AP3D1: variants seen among roughly 807,000 people sequenced by gnomAD.
AP3D1 encodes AP-3 complex subunit delta-1.
In AP3D1, 51 loss-of-function variants were observed where a neutral mutation model predicts 147.6. The ratio of observed to expected loss-of-function variants is 0.35; its 90% confidence interval spans 0.28 to 0.44. The LOEUF is 0.44. AP3D1 is among the 20% of genes least tolerant of loss of function. The pLI is 1.00. For synonymous variants in AP3D1, 760 were observed against 663.0 expected (o/e 1.15, Z -2.25); for missense variants, 1,421 against 1,624.2 (o/e 0.87, Z 2.15).
chr19:2,123,726 G>T, intron 10 of AP3D1, 104 bp downstream of exon 10: 1 of 1,383,750 alleles, frequency 7.2e-7, no homozygotes, highest in Non-Finnish European at 9.9e-7. Flanking sequence ...AGATGGCGTG[G>T]GGGGACCAGC....
intron 1 of AP3D1, among the ~76,000 whole-genome samples, chr19:2,143,806 G>A (rs899347189): frequency 5.3e-5 from 8 of 151,848 alleles, no homozygotes; most frequent in South Asian, 2.1e-4. Context: ...GTGCTGCCTC[G>A]GCCAGGTGCG....
chr19:2,131,273 G>A (rs371150262), intron 5 of AP3D1, among the ~76,000 whole-genome samples: 7 of 152,216 alleles, frequency 4.6e-5, no homozygotes, highest in African/African-American at 1.7e-4. Flanking sequence ...ACCTCCAGGT[G>A]GACAGGCAGC....
chr19:2,156,350 A>G (rs565558105), upstream of AP3D1, among the ~76,000 whole-genome samples: 1 of 152,176 alleles, frequency 6.6e-6, no homozygotes, highest in South Asian at 2.1e-4. Context: ...CCACCCAGCC[A>G]CATATCAAAT....
Position 2,150,626 on chromosome 19 carries a change from C to A in AP3D1, c.96+613G>T, listed in dbSNP as rs2019480905. Among the ~76,000 whole-genome samples the A allele has an allele frequency of 2.0e-5, 3 of 152,298 alleles. No individual in the cohort carries two copies. In the East Asian group the frequency reaches 5.8e-4, roughly 29 times the overall value. ...TTCCTGGGAACGGGGGCACTGGAGG[C>A]AACGCCCCAAGACCCTGCCTGGTTC... On this transcript the variant is annotated intron_variant, in intron 1 of 31. Coordinates refer to ENST00000643116, the MANE Select transcript of AP3D1 (RefSeq NM_001261826.3).
rs114545843 is a variant in AP3D1 at position 2,150,219 on chromosome 19, G to T, written c.96+1020C>A. Among the ~76,000 whole-genome samples, 1,067 of 152,292 alleles carry T rather than the reference G, an allele frequency of 7.0e-3. 9 individuals carry two copies. The highest frequency in any genetic ancestry group is 0.025 in the African/African-American group (1,027 of 41,562). On this transcript the variant is annotated intron_variant, in intron 1 of 31. Coordinates refer to ENST00000643116, the MANE Select transcript of AP3D1 (RefSeq NM_001261826.3). ...GTCCTGGACACAGCCTCTGGTACTG[G>T]GACTGGTGCGGTATCAGACGGCGGC...
chr19:2,120,828 A>C, intron 14 of AP3D1, 34 bp downstream of exon 14: 2 of 1,586,170 alleles, frequency 1.3e-6, no homozygotes, highest in South Asian at 2.2e-5. Flanking sequence ...AAGCTTGGAG[A>C]AGCTGCCAGC....
chr19:2,125,916 G>T (rs1426668075), intron 9 of AP3D1, among the ~76,000 whole-genome samples: 3 of 151,964 alleles, frequency 2.0e-5, no homozygotes, highest in African/African-American at 7.3e-5. Flanking sequence ...AGAGGTCAAG[G>T]CAGGAGGATG....
chr19:2,160,509 A>G (rs1157372280), intron 1 of AP3D1, among the ~76,000 whole-genome samples: 1 of 151,988 alleles, frequency 6.6e-6, no homozygotes, highest in Non-Finnish European at 1.5e-5. Flanking sequence ...ACTTTAGCCT[A>G]ATGACAGAGC....
chr19:2,102,445 A>T (rs946839803), intron 31 of AP3D1, among the ~76,000 whole-genome samples, 177 bp from the exon 32 acceptor site: 7 of 152,068 alleles, frequency 4.6e-5, no homozygotes, highest in Non-Finnish European at 8.8e-5. Context: ...AATACAAAAA[A>T]TGGCCGGGTG....
At chr19:2,134,377 C>T (rs934600416) in intron 4 of AP3D1, among the ~76,000 whole-genome samples, 12 of 151,672 alleles carry the variant, frequency 7.9e-5, no homozygotes, top group East Asian at 2.0e-4. Context: ...GCTGCAATTG[C>T]GCTACTGCTC....
chr19:2,110,943 G>C, intron 26 of AP3D1, 47 bp from the exon 27 acceptor site: 1 of 1,586,994 alleles, frequency 6.3e-7, no homozygotes. Context: ...CCCGCCACAG[G>C]GAACAGGCAC....
At chr19:2,111,946 G>GTCCTGCCATCCCACCCA in intron 24 of AP3D1, 118 bp from the exon 25 acceptor site, 1 of 1,514,440 alleles carries the variant, frequency 6.6e-7, no homozygotes, top group Non-Finnish European at 8.9e-7. Flanking sequence ...TGCCTGGGTG[G>GTCCTGCCATCCCACCCA]GATGGCAGGA....
chr19:2,150,243 GCT>G (rs1346447499), intron 1 of AP3D1, among the ~76,000 whole-genome samples: 4 of 152,142 alleles, frequency 2.6e-5, no homozygotes, highest in Admixed American at 6.5e-5. Flanking sequence ...TCAGACGGCG[GCT>G]CTCTTTCAGG....
At chr19:2,141,327 G>A (rs2019214138) in intron 1 of AP3D1, among the ~76,000 whole-genome samples, 2 of 151,926 alleles carry the variant, frequency 1.3e-5, no homozygotes, top group Admixed American at 1.3e-4. Context: ...TTAATTCTGG[G>A]ATGTAATTTA....
At chr19:2,111,533 C>CTG (rs1367628240) in intron 25 of AP3D1, 146 bp downstream of exon 25, 2 of 1,259,206 alleles carry the variant, frequency 1.6e-6, no homozygotes, top group African/African-American at 3.0e-5. Flanking sequence ...GGGCTGCGGG[C>CTG]CAGGGCCAGT....
intron 11 of AP3D1, 109 bp downstream of exon 11, chr19:2,123,249 C>T: frequency 1.5e-5 from 17 of 1,135,682 alleles, no homozygotes; most frequent in Non-Finnish European, 1.8e-5. Context: ...ATCAGGGAGA[C>T]AGCTGGGGTT....
chr19:2,149,139 T>C (rs1037888349), intron 1 of AP3D1, among the ~76,000 whole-genome samples: 14 of 152,072 alleles, frequency 9.2e-5, no homozygotes, highest in Non-Finnish European at 1.6e-4. Flanking sequence ...CGTCTTCCAG[T>C]GAGAAAGCCA....
rs780904525 is a variant in AP3D1, at chr19:2,151,344, C to A, written c.-10G>T. ...CCATCTTGAGGGCCATCGCGGCGGCCCACGGGCTTTTGCCTCGGGAGGCCC... is the reference window on the plus strand; with the variant it reads ...CCATCTTGAGGGCCATCGCGGCGGCACACGGGCTTTTGCCTCGGGAGGCCC... On this transcript the variant is annotated 5_prime_UTR_variant, in exon 1 of 32. Transcript: ENST00000643116. The A allele has an allele frequency of 1.3e-6, 2 of 1,554,830 alleles. No homozygotes were observed. The highest frequency in any genetic ancestry group is 1.7e-6 in the Non-Finnish European group (2 of 1,147,890).
intron 9 of AP3D1, among the ~76,000 whole-genome samples, chr19:2,126,652 CAA>C (rs58063456): frequency 2.7e-4 from 16 of 59,598 alleles, no homozygotes; most frequent in Admixed American, 5.6e-4. Context: ...GACTCTGCCT[CAA>C]AAAAAAAAAA....
Sources: gnomAD v4.1 joint callset for allele counts (sites outside exome capture counted in the v4.1 genomes callset) on GRCh38, gnomAD v4.1.1 for gene constraint, MANE v1.5 for transcripts, NCBI Gene and HGNC (gene_info 2026-07-23, HGNC 2026-07-21) for gene names.